The following ARHGEF28 variants were observed in gnomAD, a reference collection of about 807,000 sequenced individuals.
ARHGEF28 encodes the protein Rho guanine nucleotide exchange factor 28, also known as 190 kDa guanine nucleotide exchange factor.
Under a neutral mutation model 206.6 loss-of-function variants are expected in ARHGEF28, and 152 were observed. The ratio of observed to expected loss-of-function variants is 0.74; its 90% CI spans 0.64 to 0.84. The LOEUF is 0.84. ARHGEF28 is among the 40% of genes least tolerant of loss of function. ARHGEF28 has a pLI of 0.00. For missense variants in ARHGEF28, 2,028 were observed against 2,073.2 expected (o/e 0.98, Z 0.42); for synonymous variants, 763 against 776.4 (o/e 0.98, Z 0.29).
chr5:73,645,871 C>T (rs555588176), intron 1 of ARHGEF28, among the ~76,000 whole-genome samples: 18 of 152,080 alleles, frequency 1.2e-4, no homozygotes, highest in African/African-American at 4.1e-4. Flanking sequence ...CCCCCTCCTC[C>T]CCTTCCTCTT....
At chr5:73,931,214 A>T (rs1764097429) in intron 35 of ARHGEF28, among the ~76,000 whole-genome samples, 1 of 152,202 alleles carries the variant, frequency 6.6e-6, no homozygotes, top group Non-Finnish European at 1.5e-5. Flanking sequence ...GAGAAGTCTG[A>T]TGCCTTTCCG....
Position 73,873,237 on chromosome 5 carries a change from G to T in ARHGEF28, c.2805G>T (p.Leu935Phe). 1 of 1,609,314 alleles carries T rather than the reference G, an allele frequency of 6.2e-7. No individual in the cohort carries two copies. Among genetic ancestry groups the T allele is most frequent in the Non-Finnish European group, 8.5e-7 (1 of 1,177,452 alleles). ...NFVIDRIGDI[L>F]VQQFSEENAS... is the part of the protein sequence containing the mutation. ...TGATCGACCGAATTGGAGATATTTTGGTACAACAGGTAAGAAGAGCTTAAA... is the reference window on the plus strand; with the variant it reads ...TGATCGACCGAATTGGAGATATTTTTGTACAACAGGTAAGAAGAGCTTAAA... The change falls in exon 22 of 36, where the codon TTG becomes TTT. Residue 935 changes from leucine to phenylalanine, a missense_variant. By Grantham distance (22) the Leu-to-Phe change is conservative (BLOSUM62 0). This residue lies in a region of ARHGEF28 where 223 missense variants were observed against 289.9 expected (regional missense o/e 0.77). Transcript: ENST00000513042.
chr5:73,667,271 G>A (rs770590571), intron 1 of ARHGEF28, among the ~76,000 whole-genome samples: 1 of 152,150 alleles, frequency 6.6e-6, no homozygotes, highest in Non-Finnish European at 1.5e-5. Flanking sequence ...CCATCAGTTG[G>A]GGGGCTTAGA....
chr5:73,755,754 G>A (rs535526738), intron 4 of ARHGEF28, among the ~76,000 whole-genome samples: 2 of 152,212 alleles, frequency 1.3e-5, no homozygotes, highest in African/African-American at 4.8e-5. Flanking sequence ...TTTGGAGAAC[G>A]CTTGACAACT....
chr5:73,710,478 C>T (rs1448008517), intron 2 of ARHGEF28, among the ~76,000 whole-genome samples: 1 of 152,070 alleles, frequency 6.6e-6, no homozygotes, highest in East Asian at 1.9e-4. Flanking sequence ...ATATTTTCTC[C>T]TAGTCTCTGG....
chr5:73,925,266 C>T lies in ARHGEF28; in HGVS notation c.4948+13691C>T, dbSNP rs112676458. ...TCAGCCTCGGCTCATGCTGTTCTCT[C>T]CTTTCTCATCCTGTGTTCCAGCCAT... On this transcript the variant is annotated intron_variant, in intron 35 of 35. Coordinates refer to ENST00000513042, the MANE Select transcript of ARHGEF28 (RefSeq NM_001177693.2). Among the ~76,000 whole-genome samples the T allele has an allele frequency of 1.6e-3, 237 of 152,272 alleles. 1 individual carries two copies. The highest frequency in any genetic ancestry group is 5.4e-3 in the African/African-American group (224 of 41,552).
intron 9 of ARHGEF28, among the ~76,000 whole-genome samples, chr5:73,798,732 A>G (rs1754969833): frequency 6.6e-6 from 1 of 152,188 alleles, no homozygotes; most frequent in Non-Finnish European, 1.5e-5. Context: ...AAATGGGTCA[A>G]TACCAAAAAT....
intron 9 of ARHGEF28, among the ~76,000 whole-genome samples, chr5:73,801,998 G>A (rs895392219): frequency 2.6e-5 from 4 of 152,162 alleles, no homozygotes; most frequent in South Asian, 2.1e-4. Flanking sequence ...CACCCCTAAC[G>A]TACTAGGTTT....
At chr5:73,730,599 T>C (rs1358920094) in intron 2 of ARHGEF28, among the ~76,000 whole-genome samples, 1 of 147,984 alleles carries the variant, frequency 6.8e-6, no homozygotes, top group Non-Finnish European at 1.5e-5. Flanking sequence ...AGTAGCACGA[T>C]CACAGCTCGC....
At chr5:73,894,924 C>T (rs7729701) in intron 29 of ARHGEF28, among the ~76,000 whole-genome samples, 16,170 of 151,912 alleles carry the variant, frequency 0.11, 2,401 homozygotes, top group African/African-American at 0.33. Context: ...GAGAGTCTTC[C>T]AGGCGTAGGG....
intron 2 of ARHGEF28, among the ~76,000 whole-genome samples, chr5:73,707,017 T>C (rs1353674109): frequency 6.6e-6 from 1 of 152,210 alleles, no homozygotes; most frequent in Non-Finnish European, 1.5e-5. Context: ...CTGAGAGTGC[T>C]AGAATTGGGA....
chr5:73,846,897 A>G (rs954668948), intron 12 of ARHGEF28, among the ~76,000 whole-genome samples: 1 of 152,198 alleles, frequency 6.6e-6, no homozygotes, highest in Non-Finnish European at 1.5e-5. Context: ...GGTAGAAGTG[A>G]TATTTATTGA....
At chr5:73,912,859 T>C (rs1290976839) in intron 35 of ARHGEF28, among the ~76,000 whole-genome samples, 1 of 152,238 alleles carries the variant, frequency 6.6e-6, no homozygotes, top group African/African-American at 2.4e-5. Context: ...TAATCTGCTA[T>C]TTACAGTGCT....
At chr5:73,751,225 C>T (rs187859669) in intron 3 of ARHGEF28, among the ~76,000 whole-genome samples, 9 of 152,274 alleles carry the variant, frequency 5.9e-5, no homozygotes, top group African/African-American at 9.6e-5. Context: ...GCCTGGCCAA[C>T]GTGGGGAAAC....
intron 1 of ARHGEF28, among the ~76,000 whole-genome samples, chr5:73,647,270 T>C (rs1744492923): frequency 6.6e-6 from 1 of 152,214 alleles, no homozygotes; most frequent in Non-Finnish European, 1.5e-5. Context: ...ATATGTGAAA[T>C]GTAAATTTTA....
At chr5:73,736,694 C>T (rs17634065) in intron 2 of ARHGEF28, among the ~76,000 whole-genome samples, 28,624 of 152,108 alleles carry the variant, frequency 0.19, 2,940 homozygotes, top group Non-Finnish European at 0.23. Flanking sequence ...TGAGTTAATA[C>T]AGTGCCTGAT....
intron 2 of ARHGEF28, among the ~76,000 whole-genome samples, chr5:73,717,142 T>A (rs1749632734): frequency 6.6e-6 from 1 of 152,160 alleles, no homozygotes; most frequent in African/African-American, 2.4e-5. Flanking sequence ...ATTAACAGAA[T>A]GCGACTCCAT....
At chr5:73,785,785 C>T (rs1754120598) in intron 7 of ARHGEF28, among the ~76,000 whole-genome samples, 1 of 152,080 alleles carries the variant, frequency 6.6e-6, no homozygotes, top group South Asian at 2.1e-4. Flanking sequence ...TTTTCATTGA[C>T]AAGGAAATAG....
intron 33 of ARHGEF28, among the ~76,000 whole-genome samples, chr5:73,906,149 C>G (rs1762539031): frequency 6.6e-6 from 1 of 152,184 alleles, no homozygotes; most frequent in Non-Finnish European, 1.5e-5. Context: ...ATTGTTAAAG[C>G]CTTGGATTAC....
Sources: gnomAD v4.1 joint callset for allele counts (sites outside exome capture counted in the v4.1 genomes callset) on GRCh38, gnomAD v4.1.1 for gene constraint, gnomAD v4.1.1 regional missense constraint, MANE v1.5 for transcripts, NCBI Gene and HGNC (gene_info 2026-07-23, HGNC 2026-07-21) for gene names.